KRT78: variants seen among roughly 807,000 people sequenced by gnomAD.
The protein encoded by KRT78 is keratin 78.
Under a neutral mutation model 51.4 loss-of-function variants are expected in KRT78, and 55 were observed. The observed-to-expected ratio is 1.07, with a 90% CI of 0.86 to 1.34. The LOEUF (loss-of-function observed/expected upper bound fraction) is 1.34, where lower values mean the gene tolerates loss of function less well. Among genes scored for constraint, KRT78 ranks in the 40% most tolerant of loss-of-function variants. KRT78 has a pLI of 0.00. For synonymous variants in KRT78, 291 were observed against 264.3 expected, an observed-to-expected ratio of 1.10 and a Z score of -0.98; for missense variants, 652 against 649.4, an observed-to-expected ratio of 1.00 and a Z score of -0.04.
rs896216592 is a variant in KRT78 at position 52,838,092 on chromosome 12, G to T, written c.*1021C>A. 6.6e-6 allele frequency: 1 copy of T among 152,186 alleles called. No homozygotes were observed. Among genetic ancestry groups the T allele is most frequent in the Non-Finnish European group, 1.5e-5 (1 of 68,036 alleles). 9.4% of individuals were successfully genotyped at this position (152,186 alleles called of 1,614,324 possible). The stretch of plus-strand genomic sequence containing the variant: ...GGAGCGATTCATGAATCTGAGGAAA[G>T]GTCTGCCCTCCCTCTAAAGCAAGGA... On this transcript the variant is annotated 3_prime_UTR_variant, in exon 9 of 9. Transcript: ENST00000304620.
intron 8 of KRT78, 39 bp downstream of exon 8, chr12:52,839,414 C>A: frequency 1.2e-6 from 2 of 1,611,488 alleles, no homozygotes; most frequent in Non-Finnish European, 1.7e-6. Flanking sequence ...TCATCAGCTC[C>A]CCATGGGGAT....
In KRT78 at chr12:52,839,869, T is replaced by C. The variant is rs1267535065; in HGVS notation, c.1163A>G (p.Asn388Ser). The C allele has an allele frequency of 2.5e-6, 4 of 1,613,992 alleles. No individual in the cohort carries two copies. The highest frequency in any genetic ancestry group is 3.4e-6 in the Non-Finnish European group (4 of 1,180,000). ...LEAALRMAKQ[N>S]LARLLCEYQE... ...GTACTCGCACAGCAGCCGGGCCAGG[T>C]TCTGCTTGGCCATCCTCAGAGCAGC... The change falls in exon 7 of 9, where the codon AAC becomes AGC. Residue 388 changes from asparagine (N) to serine (S), a missense_variant. By Grantham distance (46) the Asn-to-Ser change is conservative (BLOSUM62 1). Coordinates refer to ENST00000304620, the MANE Select transcript of KRT78 (RefSeq NM_173352.4).
intron 1 of KRT78, 133 bp from the exon 2 acceptor site, chr12:52,848,254 A>C (rs1393698598): frequency 6.5e-7 from 1 of 1,541,854 alleles, no homozygotes; most frequent in East Asian, 2.4e-5. Flanking sequence ...GGGCAGGGGA[A>C]GCCTCATGAC....
chr12:52,844,693 C>A lies in KRT78; in HGVS notation c.787G>T (p.Asp263Tyr), dbSNP rs1393134678. Reference sequence around the variant, plus strand: ...TCCATGGACAGCACCACAGACGTGTCGCTGGCCTGGGTCTGGAGCTGGCCC... The same window carrying A: ...TCCATGGACAGCACCACAGACGTGTAGCTGGCCTGGGTCTGGAGCTGGCCC... ...ELGQLQTQAS[D>Y]TSVVLSMDNN... is the part of the protein sequence containing the mutation. The change falls in exon 5 of 9, where the codon GAC becomes TAC. Residue 263 changes from aspartate to tyrosine, a missense_variant. Asp to Tyr is a radical substitution (Grantham distance 160, BLOSUM62 -3). Coordinates refer to ENST00000304620, the MANE Select transcript of KRT78 (RefSeq NM_173352.4). 5.0e-6 allele frequency: 8 copies of A among 1,613,244 alleles called. No individual in the cohort carries two copies. The highest frequency in any genetic ancestry group is 1.3e-5 in the African/African-American group (1 of 75,018).
rs1227789558 is a variant in KRT78 at position 52,846,790 on chromosome 12, C to T, written c.634G>A (p.Glu212Lys). 1 of 1,613,796 alleles carries T rather than the reference C, an allele frequency of 6.2e-7. No individual in the cohort carries two copies. ...TTCTTGAGGACCACAAAGTCGTTCT[C>T]AAGTGTGGCACGCCTGTGGGCCTCC... is the stretch of plus-strand genomic sequence containing the variant. The part of the protein sequence containing the change: ...EEEAHRRATL[E>K]NDFVVLKKDV... Residue 212 changes from glutamate to lysine, a missense_variant, in exon 3 of 9, where the codon GAG (glutamate) becomes AAG (lysine). Coordinates refer to ENST00000304620, the MANE Select transcript of KRT78 (RefSeq NM_173352.4).
chr12:52,840,716 A>G (rs1467947290), intron 6 of KRT78, among the ~76,000 whole-genome samples: 1 of 151,954 alleles, frequency 6.6e-6, no homozygotes, highest in Non-Finnish European at 1.5e-5. Context: ...AAAAAATAGA[A>G]AGAAGAAGAG....
intron 6 of KRT78, among the ~76,000 whole-genome samples, chr12:52,842,961 G>GAGAGA (rs1217222099): frequency 2.1e-4 from 6 of 28,882 alleles, no homozygotes; most frequent in East Asian, 1.1e-3. Flanking sequence ...GAGAGAGAGA[G>GAGAGA]GAAGGAAGGA....
Position 52,848,979 on chromosome 12 carries a change from A to C in KRT78, c.-49T>G, listed in dbSNP as rs369759325. The C allele has an allele frequency of 1.3e-6, 2 of 1,500,276 alleles. No individual in the cohort carries two copies. Among genetic ancestry groups the C allele is most frequent in the African/African-American group, 1.4e-5 (1 of 71,752 alleles). 92.9% of individuals were successfully genotyped at this position (1,500,276 alleles called of 1,614,324 possible). On this transcript the variant is annotated 5_prime_UTR_variant, in exon 1 of 9. Coordinates refer to ENST00000304620, the MANE Select transcript of KRT78 (RefSeq NM_173352.4). ...CTGCAGACGGACAGACAGATTGTCA[A>C]GGTGTGTGAGTTTCTGCCCTGGGGC...
At chr12:52,840,346 CTG>C (rs1171751074) in intron 6 of KRT78, among the ~76,000 whole-genome samples, 134 of 152,180 alleles carry the variant, frequency 8.8e-4, no homozygotes, top group Non-Finnish European at 5.9e-4. Context: ...AATCCAATGA[CTG>C]GTGTCCTTAT....
At chr12:52,841,572 C>T (rs552908641) in intron 6 of KRT78, among the ~76,000 whole-genome samples, 12 of 151,952 alleles carry the variant, frequency 7.9e-5, no homozygotes, top group Non-Finnish European at 1.6e-4. Context: ...ATCAGCCTTA[C>T]AGTTGATTTG....
intron 6 of KRT78, among the ~76,000 whole-genome samples, chr12:52,843,674 G>A (rs1479743895): frequency 7.5e-6 from 1 of 134,090 alleles, no homozygotes; most frequent in Non-Finnish European, 1.5e-5. Flanking sequence ...GGGCAGTGGA[G>A]TAAGACTCTG....
At chr12:52,848,227 G>C (rs759972811) in intron 1 of KRT78, 106 bp from the exon 2 acceptor site, 34 of 1,546,980 alleles carry the variant, frequency 2.2e-5, no homozygotes, top group Non-Finnish European at 7.0e-6. Context: ...CCTTTCCCCT[G>C]TCCCCCTGCC....
chr12:52,847,090 C>G (rs935063728), intron 2 of KRT78, among the ~76,000 whole-genome samples: 1 of 152,154 alleles, frequency 6.6e-6, no homozygotes, highest in African/African-American at 2.4e-5. Context: ...CTACTCACAC[C>G]CATCACTTGA....
rs1940591633 is a variant in KRT78, at chr12:52,844,430, A to G, written c.921+129T>C. The G allele has an allele frequency of 2.7e-6, 3 of 1,125,074 alleles. No homozygotes were observed. The Admixed American group carries it at 7.0e-5, about 26-fold the overall frequency. The allele number at this position is 1,125,074 out of a possible 1,614,324, so 69.7% of individuals were successfully genotyped here. ...TCCTGGAGGGGAAATGGCCCTGCCC[A>G]CCCAGCCCCAGACCTTCAGGGAGGT... On this transcript the variant is annotated intron_variant, in intron 5 of 8. Coordinates refer to ENST00000304620, the MANE Select transcript of KRT78 (RefSeq NM_173352.4).
chr12:52,842,959 GAGGAAGGAAGGAAGGA>G lies in KRT78; in HGVS notation c.1047+1118_1047+1133del, dbSNP rs1191289534. 4.8e-4 allele frequency among the ~76,000 whole-genome samples: 26 copies of G among 53,758 alleles called. No individual in the cohort carries two copies. In the South Asian group the frequency reaches 5.5e-3, roughly 11 times the overall value. 35.3% of individuals were successfully genotyped at this position (53,758 alleles called of 152,430 possible). A position where few individuals can be genotyped will look rare whatever the true frequency, so the allele number is the denominator to read the frequency against. On this transcript the variant is annotated intron_variant, in intron 6 of 8. Transcript: ENST00000304620. ...AGAAAGAGAGAGAGAGAGAGAGAGA[GAGGAAGGAAGGAAGGA>G]AGGAAGGAAGGAAGGAAGGAAGGAA...
rs1348173387 is a variant in KRT78 at position 52,848,908 on chromosome 12, G to A, written c.23C>T (p.Ala8Val). MSLSPCR[A>V]QRGFSARSAC... is the part of the protein sequence containing the mutation. ...TGAGCGAGCGCTGAAGCCCCTCTGG[G>A]CCCGGCATGGGGAGAGAGACATGGC... is the stretch of plus-strand genomic sequence containing the variant. The change falls in exon 1 of 9, where the codon GCC (alanine) becomes GTC (valine). Residue 8 changes from alanine to valine, a missense_variant. Physicochemically the swap from Ala to Val is moderately conservative, Grantham distance 64. Transcript: ENST00000304620. 4.4e-6 allele frequency: 7 copies of A among 1,575,530 alleles called. No individual in the cohort carries two copies. The highest frequency in any genetic ancestry group is 2.2e-5 in the East Asian group (1 of 44,526).
At chr12:52,843,698 AAAAAAAAG>A (rs1302458387) in intron 6 of KRT78, among the ~76,000 whole-genome samples, 8 of 151,572 alleles carry the variant, frequency 5.3e-5, no homozygotes, top group African/African-American at 1.9e-4. Flanking sequence ...CAAAAAAAAA[AAAAAAAAG>A]AAAAAGAAAA....
In KRT78 at chr12:52,848,730, C is replaced by A; in HGVS notation, c.201G>T (p.Gly67=). The change falls in exon 1 of 9, where the codon GGG becomes GGT. Residue 67 remains glycine, a synonymous_variant. Transcript: ENST00000304620. ...GSGGRLGVRF[G]EWSGGPGLSL... is the part of the protein sequence containing the mutation. ...AGAGCCCAGGCCCACCACTCCACTC[C>A]CCAAACCGCACCCCCAGCCTACCCC... 6.2e-7 allele frequency: 1 copy of A among 1,612,320 alleles called. No individual in the cohort carries two copies.
chr12:52,839,977 C>T lies in KRT78; in HGVS notation c.1055G>A (p.Ser352Asn). 8.7e-6 allele frequency: 14 copies of T among 1,612,572 alleles called. No homozygotes were observed. Among genetic ancestry groups the T allele is most frequent in the Non-Finnish European group, 1.2e-5 (14 of 1,178,800 alleles). ...QTENLKKQNA[S>N]LQAAITDAEQ... ...AGCATCAGTGATGGCGGCCTGCAGG[C>T]TGGCGTTCTGGAAGCGGGGTAGAAA... is the stretch of plus-strand genomic sequence containing the variant. Residue 352 changes from serine (S) to asparagine (N), a missense_variant, in exon 7 of 9, where the codon AGC becomes AAC. Transcript: ENST00000304620.
Sources: allele counts gnomAD v4.1 joint callset (sites outside exome capture counted in the v4.1 genomes callset), GRCh38; gene constraint gnomAD v4.1.1; transcripts MANE v1.5; gene names NCBI Gene and HGNC (gene_info 2026-07-23, HGNC 2026-07-21).